Variants in CATIP observed in about 807,000 individuals in gnomAD.
CATIP encodes ciliogenesis associated TTC17 interacting protein.
Under a neutral mutation model 42.5 loss-of-function variants are expected in CATIP, and 40 were observed. The ratio of observed to expected loss-of-function variants is 0.94; its 90% CI spans 0.73 to 1.22. The LOEUF (loss-of-function observed/expected upper bound fraction) is 1.22. Ranked by LOEUF, CATIP falls within the 50% of genes most tolerant of loss-of-function variation. CATIP has a pLI of 0.00. For missense variants in CATIP, 489 were observed against 496.0 expected (o/e 0.99, Z 0.13); for synonymous variants, 222 against 200.2 (o/e 1.11, Z -0.92).
At chr2:218,361,061 C>A (rs911750689) in intron 5 of CATIP, among the ~76,000 whole-genome samples, 3 of 151,790 alleles carry the variant, frequency 2.0e-5, no homozygotes, top group Non-Finnish European at 4.4e-5. Flanking sequence ...AAACTCCCGA[C>A]CTCAGGTGAT....
chr2:218,358,148 A>T, intron 4 of CATIP, 56 bp downstream of exon 4: 1 of 1,465,910 alleles, frequency 6.8e-7, no homozygotes, highest in East Asian at 2.3e-5. Flanking sequence ...ACAGATTTTG[A>T]CTTAAAAAAC....
intron 4 of CATIP, 55 bp from the exon 5 acceptor site, chr2:218,360,518 A>C: frequency 4.5e-6 from 6 of 1,338,036 alleles, no homozygotes; most frequent in Non-Finnish European, 6.4e-6. Flanking sequence ...GGGTCAGGTG[A>C]CCTCTGGGGG....
chr2:218,358,193 C>A (rs1695105488), intron 4 of CATIP, 101 bp downstream of exon 4: 1 of 862,704 alleles, frequency 1.2e-6, no homozygotes, highest in South Asian at 1.6e-5. Context: ...CTATTACATA[C>A]ACAGTGAAGC....
At chr2:218,361,704 T>C (rs1278337595) in intron 5 of CATIP, among the ~76,000 whole-genome samples, 1 of 152,210 alleles carries the variant, frequency 6.6e-6, no homozygotes, top group Non-Finnish European at 1.5e-5. Flanking sequence ...TTTTTTTCTC[T>C]TAGTAGCTAC....
At chr2:218,361,284 G>C (rs1695225764) in intron 5 of CATIP, among the ~76,000 whole-genome samples, 1 of 151,862 alleles carries the variant, frequency 6.6e-6, no homozygotes, top group Non-Finnish European at 1.5e-5. Flanking sequence ...TGAGGCAGGA[G>C]AACGGCGTGA....
chr2:218,356,984 G>C (rs1695036182), intron 1 of CATIP, 75 bp downstream of exon 1: 2 of 1,597,800 alleles, frequency 1.3e-6, no homozygotes, highest in African/African-American at 2.7e-5. Flanking sequence ...GGTAGTCTTA[G>C]AGGATTCTGT....
Position 218,367,969 on chromosome 2 carries a change from G to A in CATIP, c.*5G>A. 4.5e-6 allele frequency: 7 copies of A among 1,564,522 alleles called. No homozygotes were observed. Among genetic ancestry groups the A allele is most frequent in the Non-Finnish European group, 6.0e-6 (7 of 1,160,042 alleles). On this transcript the variant is annotated 3_prime_UTR_variant, in exon 10 of 10. Coordinates refer to ENST00000289388, the MANE Select transcript of CATIP (RefSeq NM_198559.2). ...GCCCGCTCGGGGGCGGCCTAAGCGG[G>A]GCCCAGGCCCGGACAGGGCAGGAAA...
rs908762156 is a variant in CATIP, at chr2:218,367,529, G to C, written c.921+11G>C. On this transcript the variant is annotated intron_variant, in intron 9 of 9. Coordinates refer to ENST00000289388, the MANE Select transcript of CATIP (RefSeq NM_198559.2). ...TTCCTGGACCGGAAGGTGAGGGGAGGCTCCACCAGCCTGGGGTTCCCATTC... is the reference window on the plus strand; with the variant it reads ...TTCCTGGACCGGAAGGTGAGGGGAGCCTCCACCAGCCTGGGGTTCCCATTC... 2.5e-6 allele frequency: 4 copies of C among 1,613,604 alleles called. No homozygotes were observed. In the African/African-American group the frequency reaches 5.3e-5, roughly 22 times the overall value.
chr2:218,363,910 G>T (rs910525900), intron 6 of CATIP, among the ~76,000 whole-genome samples: 20 of 152,236 alleles, frequency 1.3e-4, no homozygotes, highest in South Asian at 8.3e-4. Context: ...ACCCCAAAGG[G>T]TGTTCCGTTT....
At position 218,357,133 on chromosome 2, in the gene CATIP, T is replaced by A. The variant is rs202093757; in HGVS notation, c.64T>A (p.Cys22Ser). The A allele has an allele frequency of 1.7e-5, 28 of 1,613,688 alleles. No individual in the cohort carries two copies. In the African/African-American group the frequency reaches 3.5e-4, roughly 20 times the overall value. The change falls in exon 2 of 10, where the codon TGT (cysteine) becomes AGT (serine). Residue 22 changes from cysteine to serine, a missense_variant. By Grantham distance (112) the Cys-to-Ser change is moderately radical. Coordinates refer to ENST00000289388, the MANE Select transcript of CATIP (RefSeq NM_198559.2). Reference sequence around the variant, plus strand: ...GGACCACCAGCCCTCGGGTCCGGAGTGTCTGCCACTCCCAGAGGCCAATGC... The same window carrying A: ...GGACCACCAGCCCTCGGGTCCGGAGAGTCTGCCACTCCCAGAGGCCAATGC... Reference protein sequence around the residue: ...AKDHQPSGPECLPLPEANAEA... With the variant: ...AKDHQPSGPESLPLPEANAEA...
At position 218,364,747 on chromosome 2, in the gene CATIP, C is replaced by T. The variant is rs201990286; in HGVS notation, c.750C>T (p.Ser250=). Reference sequence around the variant, plus strand: ...TGTCCTGCCAGTACTACCTGCTCTCCGATGGGTGAGCTGCTGATGGTGGGC... The same window carrying T: ...TGTCCTGCCAGTACTACCTGCTCTCTGATGGGTGAGCTGCTGATGGTGGGC... ...IPMSCQYYLL[S]DGHLAKRIQV... Residue 250 remains serine (S), a synonymous_variant, in exon 7 of 10, where the codon TCC becomes TCT. Transcript: ENST00000289388. 2.9e-5 allele frequency: 46 copies of T among 1,612,448 alleles called. No homozygotes were observed. The highest frequency in any genetic ancestry group is 9.9e-5 in the South Asian group (9 of 90,860).
Position 218,367,533 on chromosome 2 carries a change from C to A in CATIP, c.921+15C>A. The stretch of plus-strand genomic sequence containing the variant: ...TGGACCGGAAGGTGAGGGGAGGCTC[C>A]ACCAGCCTGGGGTTCCCATTCCCCC... On this transcript the variant is annotated intron_variant, in intron 9 of 9. Transcript: ENST00000289388. 1 of 1,613,468 alleles carries A rather than the reference C, an allele frequency of 6.2e-7. No homozygotes were observed. The highest frequency in any genetic ancestry group is 8.5e-7 in the Non-Finnish European group (1 of 1,179,362).
chr2:218,363,693 C>T (rs779918815), intron 6 of CATIP, among the ~76,000 whole-genome samples: 12 of 151,906 alleles, frequency 7.9e-5, no homozygotes, highest in Non-Finnish European at 1.6e-4. Flanking sequence ...GTAATCCCAG[C>T]TACTCGGGAG....
chr2:218,367,721 G>C lies in CATIP; in HGVS notation c.922-1G>C. The stretch of plus-strand genomic sequence containing the variant: ...GAGGCTCGGGCTCTGTCCCCTGCCA[G>C]GAGGAGCTCCGGCTCGGCCACGCCA... On this transcript the variant is annotated splice_acceptor_variant, in intron 9 of 9. Transcript: ENST00000289388. LOFTEE classifies it high-confidence loss of function. The C allele has an allele frequency of 9.4e-6, 15 of 1,594,232 alleles. No homozygotes were observed. The highest frequency in any genetic ancestry group is 1.3e-5 in the Non-Finnish European group (15 of 1,173,836).
chr2:218,362,301 T>C (rs1695263848), intron 5 of CATIP, among the ~76,000 whole-genome samples: 1 of 141,802 alleles, frequency 7.1e-6, no homozygotes, highest in Non-Finnish European at 1.5e-5. Context: ...TGCAGTGAGC[T>C]GAGATCGCAC....
chr2:218,365,813 TTCTCTCTC>T (rs201034636), intron 7 of CATIP: 2 of 151,110 alleles, frequency 1.3e-5, no homozygotes, highest in Non-Finnish European at 2.9e-5. Flanking sequence ...CTTTCTCTCT[TTCTCTCTC>T]TCTGTCTCTT....
intron 5 of CATIP, among the ~76,000 whole-genome samples, chr2:218,362,093 C>T (rs1276409638): frequency 2.0e-5 from 3 of 151,970 alleles, no homozygotes; most frequent in Admixed American, 6.6e-5. Context: ...TGGTGACTCA[C>T]GCCTGTAATT....
chr2:218,364,930 G>A (rs1200040838), intron 7 of CATIP, among the ~76,000 whole-genome samples, 178 bp downstream of exon 7: 1 of 152,190 alleles, frequency 6.6e-6, no homozygotes, highest in African/African-American at 2.4e-5. Context: ...AACCCTCACA[G>A]TGCCTCCCAA....
chr2:218,363,785 G>A (rs958007334), intron 6 of CATIP, among the ~76,000 whole-genome samples: 1 of 152,042 alleles, frequency 6.6e-6, no homozygotes, highest in African/African-American at 2.4e-5. Flanking sequence ...CTCCAGCCTG[G>A]GCAACAGAGG....
Sources: gnomAD v4.1 joint callset for allele counts (sites outside exome capture counted in the v4.1 genomes callset) on GRCh38, gnomAD v4.1.1 for gene constraint, MANE v1.5 for transcripts, NCBI Gene and HGNC (gene_info 2026-07-23, HGNC 2026-07-21) for gene names.